Variants in ASIC2 observed in about 807,000 individuals in gnomAD.
ASIC2 encodes the protein acid sensing ion channel subunit 2, also known as acid-sensing ion channel 2.
ASIC2 carries 25 observed loss-of-function variants against 57.3 expected under a neutral mutation model. That is an observed-to-expected ratio of 0.44 (90% confidence interval 0.32 to 0.61). The LOEUF (loss-of-function observed/expected upper bound fraction) is 0.61, where lower values mean the gene tolerates loss of function less well. Among genes scored for constraint, ASIC2 ranks in the 20% least tolerant of loss-of-function variants. The probability of loss-of-function intolerance (pLI) is 0.06; values close to 1 mark genes in which losing one functional copy is unlikely to be tolerated. For synonymous variants in ASIC2, 319 were observed against 307.5 expected (o/e 1.04, Z -0.39); for missense variants, 641 against 738.1 (o/e 0.87, Z 1.52).
intron 1 of ASIC2, among the ~76,000 whole-genome samples, chr17:33,712,250 A>G (rs995637287): frequency 6.6e-6 from 1 of 152,206 alleles, no homozygotes; most frequent in African/African-American, 2.4e-5. Flanking sequence ...ATGGGCACAT[A>G]ATGTAGAGGC....
chr17:33,091,697 G>C (rs747211331), intron 2 of ASIC2, among the ~76,000 whole-genome samples: 3 of 152,222 alleles, frequency 2.0e-5, no homozygotes, highest in Non-Finnish European at 2.9e-5. Flanking sequence ...AGCTGCAGCT[G>C]AGAGTAAAAT....
At chr17:34,040,122 G>A (rs1227281694) in intron 1 of ASIC2, among the ~76,000 whole-genome samples, 1 of 109,436 alleles carries the variant, frequency 9.1e-6, no homozygotes, top group Non-Finnish European at 1.7e-5. Context: ...CGCCCGACGC[G>A]GCCCCGGGCC....
At chr17:33,985,363 A>C (rs1905780679) in intron 1 of ASIC2, among the ~76,000 whole-genome samples, 1 of 152,196 alleles carries the variant, frequency 6.6e-6, no homozygotes, top group African/African-American at 2.4e-5. Flanking sequence ...GTACCTCGTA[A>C]CTTTAGCGTG....
At chr17:33,090,914 G>T (rs1333543833) in intron 2 of ASIC2, among the ~76,000 whole-genome samples, 1 of 152,160 alleles carries the variant, frequency 6.6e-6, no homozygotes, top group Non-Finnish European at 1.5e-5. Context: ...TTTGGATATG[G>T]TTCATGGAGT....
intron 3 of ASIC2, among the ~76,000 whole-genome samples, chr17:33,044,259 TACCCATCCATCC>T (rs1325346147): frequency 2.0e-4 from 26 of 132,176 alleles, no homozygotes; most frequent in South Asian, 2.6e-4. Flanking sequence ...TTCATCCATC[TACCCATCCATCC>T]ATCCATCCAT....
chr17:33,616,733 A>C (rs1905616147), intron 1 of ASIC2, among the ~76,000 whole-genome samples: 1 of 152,222 alleles, frequency 6.6e-6, no homozygotes. Flanking sequence ...TTGCCAGCAG[A>C]GATTCTGCCA....
intron 1 of ASIC2, among the ~76,000 whole-genome samples, chr17:33,666,032 T>A (rs548269444): frequency 9.9e-5 from 15 of 152,200 alleles, no homozygotes; most frequent in Non-Finnish European, 1.9e-4. Context: ...CTTTTCCATG[T>A]CTCTGGCACC....
rs1164911860 is a variant in ASIC2, at chr17:34,061,404, A to G, written c.555+94574T>C. ...CATCAAAACAGAATCTCTTCAAAGCATAAATCACACGGGACCTATAAAACA... is the reference window on the plus strand; with the variant it reads ...CATCAAAACAGAATCTCTTCAAAGCGTAAATCACACGGGACCTATAAAACA... On this transcript the variant is annotated intron_variant, in intron 1 of 9. Transcript: ENST00000359872. Among the ~76,000 whole-genome samples the G allele has an allele frequency of 8.5e-5, 13 of 152,336 alleles. No homozygotes were observed. In the East Asian group the frequency reaches 2.1e-3, roughly 25 times the overall value.
At chr17:33,507,035 A>C (rs760769512) in intron 1 of ASIC2, among the ~76,000 whole-genome samples, 64 of 152,138 alleles carry the variant, frequency 4.2e-4, no homozygotes, top group Non-Finnish European at 6.8e-4. Flanking sequence ...TGTAGTCTTC[A>C]CTGGGGCAGG....
chr17:33,909,069 A>C (rs989156280), intron 1 of ASIC2, among the ~76,000 whole-genome samples: 4 of 152,192 alleles, frequency 2.6e-5, no homozygotes, highest in Non-Finnish European at 4.4e-5. Context: ...CCATTTTGAC[A>C]CTGCCATTTG....
intron 1 of ASIC2, among the ~76,000 whole-genome samples, chr17:33,821,554 G>A (rs1254815634): frequency 1.3e-5 from 2 of 152,228 alleles, no homozygotes; most frequent in Non-Finnish European, 2.9e-5. Flanking sequence ...GAATGAGGAG[G>A]AAAGGCAACA....
At chr17:33,947,591 C>A (rs72821042) in intron 1 of ASIC2, among the ~76,000 whole-genome samples, 15,413 of 151,004 alleles carry the variant, frequency 0.1, 931 homozygotes, top group South Asian at 0.17. Flanking sequence ...GGGACATTCG[C>A]ATGCAAAAGC....
In ASIC2 at chr17:33,093,428, A is replaced by AAG. The variant is rs58579661; in HGVS notation, c.860-4440_860-4439dup. 3.0e-3 allele frequency among the ~76,000 whole-genome samples: 447 copies of AAG among 149,074 alleles called. 1 individual carries two copies. The highest frequency in any genetic ancestry group is 8.7e-3 in the East Asian group (44 of 5,084). On this transcript the variant is annotated intron_variant, in intron 2 of 9. Coordinates refer to ENST00000225823, the MANE Select transcript of ASIC2 (RefSeq NM_183377.2). ...ATGAACACCAGGATTCAAGGACAGA[A>AAG]AGAGAGAGAGAGAGAGAGAGAGTGC...
chr17:33,036,433 T>G (rs188233068), intron 3 of ASIC2, among the ~76,000 whole-genome samples: 2 of 152,246 alleles, frequency 1.3e-5, no homozygotes, highest in Admixed American at 1.3e-4. Context: ...ATTATTTATT[T>G]AATTAGTTAG....
intron 1 of ASIC2, among the ~76,000 whole-genome samples, chr17:33,443,445 G>A (rs368525472): frequency 5.8e-5 from 6 of 102,800 alleles, no homozygotes; most frequent in East Asian, 5.5e-4. Context: ...ACGGAGTCTC[G>A]CTCTGTCGCC....
rs570495088 is a variant in ASIC2 at position 33,961,330 on chromosome 17, C to T, written c.555+194648G>A. On this transcript the variant is annotated intron_variant, in intron 1 of 9. Transcript: ENST00000359872. ...ACAAAGCCTCAGCATTTTGCAGGACCCAGCAGGGATAACAGGGGCAGAAGA... is the reference window on the plus strand; with the variant it reads ...ACAAAGCCTCAGCATTTTGCAGGACTCAGCAGGGATAACAGGGGCAGAAGA... Among the ~76,000 whole-genome samples the T allele has an allele frequency of 3.3e-5, 5 of 152,268 alleles. No homozygotes were observed. The South Asian group carries it at 1.0e-3, about 32-fold the overall frequency.
intron 1 of ASIC2, among the ~76,000 whole-genome samples, chr17:33,866,376 T>G (rs1328467359): frequency 6.6e-6 from 1 of 152,180 alleles, no homozygotes; most frequent in African/African-American, 2.4e-5. Context: ...TATATTCCAT[T>G]GTATGGATAT....
chr17:33,416,967 G>A (rs1471822246), intron 1 of ASIC2, among the ~76,000 whole-genome samples: 1 of 152,096 alleles, frequency 6.6e-6, no homozygotes, highest in Non-Finnish European at 1.5e-5. Context: ...GCTTCTAAAT[G>A]AGCATGAGGC....
chr17:33,399,263 T>C (rs978323280), intron 1 of ASIC2, among the ~76,000 whole-genome samples: 4 of 152,182 alleles, frequency 2.6e-5, no homozygotes, highest in African/African-American at 9.7e-5. Flanking sequence ...CAAGATGGCA[T>C]TACAAGGAAT....
Sources: gnomAD v4.1 joint callset for allele counts (sites outside exome capture counted in the v4.1 genomes callset) on GRCh38, gnomAD v4.1.1 for gene constraint, MANE v1.5 for transcripts, NCBI Gene and HGNC (gene_info 2026-07-23, HGNC 2026-07-21) for gene names.